CYP3A5: variants seen among roughly 807,000 people sequenced by gnomAD.
CYP3A5 encodes the protein cytochrome P450 3A5.
A neutral mutation model predicts 55.9 loss-of-function variants in CYP3A5; 51 were observed. That is an observed-to-expected ratio of 0.91 (90% CI 0.73 to 1.15). The LOEUF (loss-of-function observed/expected upper bound fraction) is 1.15, where lower values mean the gene tolerates loss of function less well. Ranked by LOEUF, CYP3A5 falls within the 50% of genes most tolerant of loss-of-function variation. The probability of loss-of-function intolerance (pLI) is 0.00; values close to 1 mark genes in which losing one functional copy is unlikely to be tolerated. For synonymous variants in CYP3A5, 196 were observed against 213.9 expected (o/e 0.92, Z 0.73); for missense variants, 533 against 596.6 (o/e 0.89, Z 1.11).
At chr7:99,650,298 G>C in intron 11 of CYP3A5, 66 bp from the exon 12 acceptor site, 1 of 1,511,852 alleles carries the variant, frequency 6.6e-7, no homozygotes, top group South Asian at 1.2e-5. Flanking sequence ...CATGTTAGGG[G>C]TTCTTACTTA....
chr7:99,652,332 T>G, intron 11 of CYP3A5: 1 of 382,552 alleles, frequency 2.6e-6, no homozygotes, highest in Non-Finnish European at 4.7e-6. Flanking sequence ...CACAGGGACA[T>G]AATTGATTAT....
intron 4 of CYP3A5, among the ~76,000 whole-genome samples, chr7:99,667,396 G>T (rs997383226): frequency 5.9e-5 from 9 of 152,192 alleles, no homozygotes; most frequent in African/African-American, 1.9e-4. Context: ...CCTTCCCCAG[G>T]AGTGTGCAGA....
At chr7:99,666,552 T>TGGAA in intron 6 of CYP3A5, 49 bp downstream of exon 6, 1 of 1,587,222 alleles carries the variant, frequency 6.3e-7, no homozygotes. Context: ...GGCAGGCAGC[T>TGGAA]GGAAGGGCTC....
chr7:99,663,511 C>T (rs1226085697), intron 8 of CYP3A5: 1 of 991,244 alleles, frequency 1.0e-6, no homozygotes, highest in East Asian at 1.1e-4. Context: ...GAAACACTCA[C>T]ATTTACCACA....
At chr7:99,654,995 T>C (rs1429011970) in intron 10 of CYP3A5, among the ~76,000 whole-genome samples, 1 of 152,122 alleles carries the variant, frequency 6.6e-6, no homozygotes, top group Non-Finnish European at 1.5e-5. Flanking sequence ...GTCAGATGAG[T>C]AGGTTGCAAA....
intron 11 of CYP3A5, among the ~76,000 whole-genome samples, chr7:99,650,640 G>C (rs941684887): frequency 9.9e-5 from 15 of 152,126 alleles, no homozygotes; most frequent in Admixed American, 3.9e-4. Flanking sequence ...AGGAGAAAAC[G>C]TCTTGTGCTA....
chr7:99,667,136 A>G (rs1235773522), intron 4 of CYP3A5, 71 bp from the exon 5 acceptor site: 1 of 1,395,272 alleles, frequency 7.2e-7, no homozygotes, highest in African/African-American at 1.4e-5. Context: ...AAATATATTG[A>G]AGAGGCATCC....
chr7:99,664,032 G>A lies in CYP3A5; in HGVS notation c.734C>T (p.Thr245Ile), dbSNP rs1410593768. 2 of 1,599,906 alleles carry A rather than the reference G, an allele frequency of 1.3e-6. No homozygotes were observed. Among genetic ancestry groups the A allele is most frequent in the Non-Finnish European group, 1.7e-6 (2 of 1,176,744 alleles). Residue 245 changes from threonine to isoleucine, a missense_variant, in exon 8 of 13, where the codon ACC (threonine) becomes ATC (isoleucine). Coordinates refer to ENST00000222982, the MANE Select transcript of CYP3A5 (RefSeq NM_000777.5). ...ALNVSLFPKD[T>I]INFLSKSVNR... ...TACAGATTTACTTAAAAAATTTATGGTATCTTTTGGAAACAGAGAGACATT... is the reference window on the plus strand; with the variant it reads ...TACAGATTTACTTAAAAAATTTATGATATCTTTTGGAAACAGAGAGACATT...
intron 8 of CYP3A5, 149 bp downstream of exon 8, chr7:99,663,819 T>G: frequency 7.4e-7 from 1 of 1,350,014 alleles, no homozygotes; most frequent in Non-Finnish European, 9.5e-7. Context: ...CCCAATCTCC[T>G]TCTTTATTTC....
intron 11 of CYP3A5, among the ~76,000 whole-genome samples, chr7:99,651,970 C>G (rs1464794898): frequency 3.9e-5 from 6 of 152,124 alleles, no homozygotes; most frequent in Non-Finnish European, 8.8e-5. Context: ...GGACCTCAGC[C>G]TGCACTCTTA....
In CYP3A5 at chr7:99,666,643, A is replaced by C. The variant is rs1027101735; in HGVS notation, c.479T>G (p.Leu160Trp). The change falls in exon 6 of 13, where the codon TTG becomes TGG. Residue 160 changes from leucine (L) to tryptophan (W), a missense_variant. Coordinates refer to ENST00000222982, the MANE Select transcript of CYP3A5 (RefSeq NM_000777.5). ...CTTGCCTTTCTCTGCTTCCCGCCTCAAGTTTCTCACCAATACATCTCCATA... is the reference window on the plus strand; with the variant it reads ...CTTGCCTTTCTCTGCTTCCCGCCTCCAGTTTCTCACCAATACATCTCCATA... ...AQYGDVLVRNLRREAEKGKPV... is the reference protein window; with the variant it reads ...AQYGDVLVRNWRREAEKGKPV... The C allele has an allele frequency of 6.2e-7, 1 of 1,613,990 alleles. No homozygotes were observed. Among genetic ancestry groups the C allele is most frequent in the Non-Finnish European group, 8.5e-7 (1 of 1,179,938 alleles).
intron 10 of CYP3A5, 62 bp downstream of exon 10, chr7:99,660,437 T>G: frequency 5.9e-6 from 9 of 1,519,472 alleles, no homozygotes; most frequent in Non-Finnish European, 7.9e-6. Flanking sequence ...TGGGGAGTGG[T>G]GAGGAGGCAT....
In CYP3A5 at chr7:99,657,208, T is replaced by C. The variant is rs1809840620; in HGVS notation, c.1026+3291A>G. ...AATGTTAGATCTTTCCTGCTTTCTC[T>C]TGTAGGCATTTAGTGCTATAAATTT... On this transcript the variant is annotated intron_variant, in intron 10 of 12. Coordinates refer to ENST00000222982, the MANE Select transcript of CYP3A5 (RefSeq NM_000777.5). 2.6e-5 allele frequency among the ~76,000 whole-genome samples: 4 copies of C among 152,254 alleles called. No individual in the cohort carries two copies. The South Asian group carries it at 8.3e-4, about 32-fold the overall frequency.
intron 4 of CYP3A5, among the ~76,000 whole-genome samples, chr7:99,668,686 G>T (rs561378621): frequency 1.3e-5 from 2 of 152,322 alleles, no homozygotes; most frequent in African/African-American, 4.8e-5. Context: ...GCGAGAGGAC[G>T]CTATTGCAGT....
intron 10 of CYP3A5, chr7:99,660,244 T>TAAATA: frequency 1.1e-6 from 1 of 912,462 alleles, no homozygotes; most frequent in Non-Finnish European, 1.3e-6. Context: ...TTTTTTTTTT[T>TAAATA]TACTTAGCAT....
chr7:99,663,817 CCTT>C, intron 8 of CYP3A5, 148 bp downstream of exon 8: 1 of 1,347,838 alleles, frequency 7.4e-7, no homozygotes, highest in Non-Finnish European at 9.5e-7. Context: ...TCCCCAATCT[CCTT>C]CTTTATTTCT....
chr7:99,656,395 G>A (rs377739861), intron 10 of CYP3A5, among the ~76,000 whole-genome samples: 25 of 152,262 alleles, frequency 1.6e-4, no homozygotes, highest in East Asian at 3.9e-4. Context: ...ATTGATTTGC[G>A]TATGTTGAAC....
At chr7:99,666,455 C>T (rs1281818883) in intron 6 of CYP3A5, 146 bp downstream of exon 6, 19 of 823,704 alleles carry the variant, frequency 2.3e-5, no homozygotes, top group African/African-American at 6.7e-5. Context: ...GGAGCCACTC[C>T]CTCTTAGGTG....
chr7:99,660,687 T>G, intron 9 of CYP3A5, 28 bp from the exon 10 acceptor site: 2 of 1,612,240 alleles, frequency 1.2e-6, no homozygotes, highest in Non-Finnish European at 8.5e-7. Flanking sequence ...ACATTTTAGG[T>G]AAATCAGGTC....
Sources: gnomAD v4.1 joint callset for allele counts (sites outside exome capture counted in the v4.1 genomes callset) on GRCh38, gnomAD v4.1.1 for gene constraint, MANE v1.5 for transcripts, NCBI Gene and HGNC (gene_info 2026-07-23, HGNC 2026-07-21) for gene names.